Variants in LRPPRC observed in about 807,000 individuals in gnomAD.
LRPPRC encodes leucine rich pentatricopeptide repeat containing, also known as leucine-rich PPR motif-containing protein, mitochondrial.
Under a neutral mutation model 180.3 loss-of-function variants are expected in LRPPRC, and 120 were observed. The ratio of observed to expected loss-of-function variants is 0.67; its 90% CI spans 0.57 to 0.77. The LOEUF (loss-of-function observed/expected upper bound fraction) is 0.77. LRPPRC is among the 30% of genes least tolerant of loss of function. LRPPRC has a pLI of 0.00. For missense variants in LRPPRC, 2,012 were observed against 1,657.2 expected, an observed-to-expected ratio of 1.21 and a Z score of -3.72; for synonymous variants, 723 against 600.0, an observed-to-expected ratio of 1.21 and a Z score of -3.00.
chr2:43,988,327 G>A (rs915676746), intron 1 of LRPPRC, among the ~76,000 whole-genome samples: 2 of 151,280 alleles, frequency 1.3e-5, no homozygotes, highest in East Asian at 2.0e-4. Context: ...ACCTGAGGTC[G>A]GGAGTTCTAG....
intron 11 of LRPPRC, among the ~76,000 whole-genome samples, chr2:43,971,755 T>G (rs1215739722): frequency 6.6e-6 from 1 of 152,018 alleles, no homozygotes; most frequent in African/African-American, 2.4e-5. Flanking sequence ...GAATGTTACT[T>G]TCTTACCTTA....
In LRPPRC at chr2:43,916,526, C is replaced by T. The variant is rs559949237; in HGVS notation, c.3148+1499G>A. ...ACACATACTAGTATAGTAATTAATG[C>T]CTTAATCATTTTTTGCTTTCAAGTA... On this transcript the variant is annotated intron_variant, in intron 29 of 37. Coordinates refer to ENST00000260665, the MANE Select transcript of LRPPRC (RefSeq NM_133259.4). Among the ~76,000 whole-genome samples, 3 of 152,192 alleles carry T rather than the reference C, an allele frequency of 2.0e-5. No individual in the cohort carries two copies. In the South Asian group the frequency reaches 6.2e-4, roughly 32 times the overall value.
chr2:43,907,670 A>G (rs1255841268), intron 30 of LRPPRC, among the ~76,000 whole-genome samples: 1 of 152,228 alleles, frequency 6.6e-6, no homozygotes, highest in East Asian at 1.9e-4. Flanking sequence ...ACTGGATAGC[A>G]GAGAATTCTA....
intron 25 of LRPPRC, among the ~76,000 whole-genome samples, chr2:43,929,913 G>C (rs1672023573): frequency 6.6e-6 from 1 of 151,894 alleles, no homozygotes; most frequent in African/African-American, 2.4e-5. Context: ...ATTTACATGA[G>C]AACTGACATA....
In LRPPRC at chr2:43,906,679, C is replaced by T. The variant is rs558950284; in HGVS notation, c.3276-899G>A. ...TCAGTGATGACCCTGTTGCCAACAA[C>T]AGCATGCCCTGCCAACACGGACATA... is the stretch of plus-strand genomic sequence containing the variant. On this transcript the variant is annotated intron_variant, in intron 30 of 37. Transcript: ENST00000260665. Among the ~76,000 whole-genome samples, 3 of 152,282 alleles carry T rather than the reference C, an allele frequency of 2.0e-5. No homozygotes were observed. In the East Asian group the frequency reaches 5.8e-4, roughly 29 times the overall value.
intron 5 of LRPPRC, among the ~76,000 whole-genome samples, chr2:43,976,481 G>A (rs1674061353): frequency 6.6e-6 from 1 of 151,718 alleles, no homozygotes; most frequent in Non-Finnish European, 1.5e-5. Context: ...TATCTGATTT[G>A]TCTTACACTA....
intron 20 of LRPPRC, 120 bp downstream of exon 20, chr2:43,947,137 C>A (rs779212106): frequency 6.8e-6 from 4 of 585,260 alleles, no homozygotes; most frequent in Non-Finnish European, 1.2e-5. Flanking sequence ...TAATTGCATT[C>A]TTTACAAGCC....
In LRPPRC at chr2:43,974,281, T is replaced by C. The variant is rs1158599613; in HGVS notation, c.1024A>G (p.Ile342Val). 1 of 1,611,570 alleles carries C rather than the reference T, an allele frequency of 6.2e-7. No homozygotes were observed. The highest frequency in any genetic ancestry group is 1.7e-5 in the Admixed American group (1 of 60,018). ...AATTTTTCAGTGACTAAAAGTAAAA[T>C]GAGGTTCATTGCATCTGGGAAGAAA... Reference protein sequence around the residue: ...RRYIPDAMNLILLLVTEKLED... With the variant: ...RRYIPDAMNLVLLLVTEKLED... The change falls in exon 9 of 38, where the codon ATT becomes GTT. Residue 342 changes from isoleucine to valine, a missense_variant. By Grantham distance (29) the Ile-to-Val change is conservative. Coordinates refer to ENST00000260665, the MANE Select transcript of LRPPRC (RefSeq NM_133259.4).
intron 14 of LRPPRC, among the ~76,000 whole-genome samples, chr2:43,956,397 T>C (rs1036925564): frequency 6.6e-6 from 1 of 152,134 alleles, no homozygotes; most frequent in African/African-American, 2.4e-5. Context: ...AGATGATGAC[T>C]TTATTCTTAA....
At chr2:43,924,336 T>C (rs561557552) in intron 27 of LRPPRC, among the ~76,000 whole-genome samples, 29 of 152,270 alleles carry the variant, frequency 1.9e-4, no homozygotes, top group Admixed American at 5.2e-4. Context: ...TACTAGAGCA[T>C]TGTTTGAAAA....
At chr2:43,984,455 T>C (rs1674441614) in intron 1 of LRPPRC, among the ~76,000 whole-genome samples, 1 of 152,246 alleles carries the variant, frequency 6.6e-6, no homozygotes, top group Non-Finnish European at 1.5e-5. Flanking sequence ...AGGCAAATTT[T>C]TCTCATATAC....
intron 34 of LRPPRC, among the ~76,000 whole-genome samples, 184 bp from the exon 35 acceptor site, chr2:43,896,892 C>G (rs987577640): frequency 2.6e-5 from 4 of 152,058 alleles, no homozygotes; most frequent in African/African-American, 9.7e-5. Context: ...CTATGCCAAG[C>G]TTTGGTGAAT....
At chr2:43,958,687 G>T (rs1465155230) in intron 13 of LRPPRC, among the ~76,000 whole-genome samples, 1 of 152,152 alleles carries the variant, frequency 6.6e-6, no homozygotes, top group East Asian at 1.9e-4. Flanking sequence ...ACACAAGTGG[G>T]AAAATGTTCT....
intron 8 of LRPPRC, 134 bp downstream of exon 8, chr2:43,974,480 C>T: frequency 1.2e-6 from 1 of 815,878 alleles, no homozygotes; most frequent in Non-Finnish European, 2.0e-6. Flanking sequence ...TGTTTTTGGG[C>T]TTATTTAACT....
intron 1 of LRPPRC, among the ~76,000 whole-genome samples, chr2:43,994,097 T>A (rs1674909755): frequency 6.6e-6 from 1 of 152,036 alleles, no homozygotes; most frequent in Admixed American, 6.6e-5. Context: ...GACCTTCCCC[T>A]GGCCTCACAG....
At chr2:43,893,146 A>G (rs144088157) in intron 36 of LRPPRC, among the ~76,000 whole-genome samples, 2 of 152,336 alleles carry the variant, frequency 1.3e-5, no homozygotes, top group Non-Finnish European at 2.9e-5. Flanking sequence ...ACATGAGGAG[A>G]AGCTGTTTCC....
chr2:43,954,670 T>C (rs1483605099), intron 14 of LRPPRC, among the ~76,000 whole-genome samples: 4 of 152,204 alleles, frequency 2.6e-5, no homozygotes, highest in East Asian at 1.9e-4. Flanking sequence ...TGTACACACA[T>C]GTGCATGCAT....
At chr2:43,960,065 A>G (rs6723119) in intron 13 of LRPPRC, among the ~76,000 whole-genome samples, 106,896 of 152,042 alleles carry the variant, frequency 0.7, 39,108 homozygotes, top group Middle Eastern at 0.83. Flanking sequence ...TATAAAGCAC[A>G]CTAGTGTTTA....
intron 35 of LRPPRC, 95 bp from the exon 36 acceptor site, chr2:43,894,724 T>C (rs1670619596): frequency 2.7e-6 from 2 of 733,208 alleles, no homozygotes; most frequent in Admixed American, 1.9e-5. Context: ...ATTTTCACAA[T>C]AATTATAACA....
Sources: allele counts gnomAD v4.1 joint callset (sites outside exome capture counted in the v4.1 genomes callset), GRCh38; gene constraint gnomAD v4.1.1; transcripts MANE v1.5; gene names NCBI Gene and HGNC (gene_info 2026-07-23, HGNC 2026-07-21).